The following OTOGL variants were observed in gnomAD, a reference collection of about 807,000 sequenced individuals.
OTOGL encodes the protein otogelin like.
A neutral mutation model predicts 318.5 loss-of-function variants in OTOGL; 285 were observed. That is an observed-to-expected ratio of 0.89 (90% CI 0.81 to 0.99). OTOGL has a LOEUF of 0.99. Among genes scored for constraint, OTOGL ranks in the 50% least tolerant of loss-of-function variants. The pLI, the probability that OTOGL is intolerant of heterozygous loss-of-function variation, is 0.00. For missense variants in OTOGL, 2,899 were observed against 2,845.6 expected (o/e 1.02, Z -0.43); for synonymous variants, 987 against 936.5 (o/e 1.05, Z -0.99).
chr12:80,287,457 A>C (rs1023362791), intron 26 of OTOGL, among the ~76,000 whole-genome samples: 1 of 148,874 alleles, frequency 6.7e-6, no homozygotes, highest in African/African-American at 2.6e-5. Flanking sequence ...ATCCTTGTTA[A>C]TTTTCTGTCT....
At chr12:80,203,369 A>G (rs184482748) in intron 1 of OTOGL, among the ~76,000 whole-genome samples, 6 of 151,872 alleles carry the variant, frequency 4.0e-5, no homozygotes, top group Admixed American at 2.0e-4. Flanking sequence ...TATCTGGCCC[A>G]CACTTATAAT....
chr12:80,206,774 G>C (rs994945558), intron 1 of OTOGL, among the ~76,000 whole-genome samples: 3 of 151,562 alleles, frequency 2.0e-5, no homozygotes, highest in African/African-American at 7.3e-5. Flanking sequence ...CTCCCAAAGT[G>C]CTGGGACTAC....
Position 80,352,289 on chromosome 12 carries a change from C to A in OTOGL, c.5266-6C>A. 6.2e-7 allele frequency: 1 copy of A among 1,604,614 alleles called. No homozygotes were observed. Among genetic ancestry groups the A allele is most frequent in the South Asian group, 1.1e-5 (1 of 88,896 alleles). On this transcript the variant is annotated splice_region_variant and splice_polypyrimidine_tract_variant and intron_variant, in intron 44 of 58. Coordinates refer to ENST00000547103, the MANE Select transcript of OTOGL (RefSeq NM_001378609.3). ...TAACTTATTTCAAGGCAAAATGTTT[C>A]TCTAGGTTTCACCGGAAGACTTTTG...
chr12:80,288,889 G>A (rs1398696572), intron 26 of OTOGL, among the ~76,000 whole-genome samples: 1 of 152,040 alleles, frequency 6.6e-6, no homozygotes, highest in Non-Finnish European at 1.5e-5. Flanking sequence ...ACTTCCTGAA[G>A]CCTACTTCTG....
intron 1 of OTOGL, among the ~76,000 whole-genome samples, chr12:80,162,570 C>T (rs1403839470): frequency 6.6e-6 from 1 of 151,940 alleles, no homozygotes; most frequent in Non-Finnish European, 1.5e-5. Flanking sequence ...CTTTTGAGGG[C>T]TGTGGGGGTA....
intron 1 of OTOGL, among the ~76,000 whole-genome samples, chr12:80,187,321 G>A (rs1263256615): frequency 6.6e-6 from 1 of 151,800 alleles, no homozygotes; most frequent in Admixed American, 6.6e-5. Context: ...AATAGGGCCT[G>A]GCCTAGGAGG....
At chr12:80,322,332 C>A (rs1887392985) in intron 34 of OTOGL, among the ~76,000 whole-genome samples, 1 of 152,110 alleles carries the variant, frequency 6.6e-6, no homozygotes, top group Non-Finnish European at 1.5e-5. Flanking sequence ...GCCCTTAGAA[C>A]CAGACCTAGT....
chr12:80,317,394 G>C (rs918667154), intron 32 of OTOGL, among the ~76,000 whole-genome samples: 15 of 152,192 alleles, frequency 9.9e-5, no homozygotes, highest in East Asian at 9.6e-4. Context: ...AAAAGCTTTA[G>C]GTTTTTATAC....
At chr12:80,235,923 T>C (rs771264136) in intron 9 of OTOGL, among the ~76,000 whole-genome samples, 53 of 152,188 alleles carry the variant, frequency 3.5e-4, no homozygotes, top group Non-Finnish European at 6.6e-4. Flanking sequence ...AGTATAATAA[T>C]GCAAGAAAAT....
At chr12:80,338,485 C>T (rs538600346) in intron 42 of OTOGL, among the ~76,000 whole-genome samples, 14 of 151,968 alleles carry the variant, frequency 9.2e-5, no homozygotes, top group African/African-American at 2.9e-4. Flanking sequence ...TTTAAAGCAC[C>T]GTTTTTCAAA....
intron 1 of OTOGL, among the ~76,000 whole-genome samples, chr12:80,104,218 A>C (rs993588057): frequency 6.6e-5 from 10 of 152,244 alleles, no homozygotes; most frequent in Admixed American, 2.6e-4. Context: ...TTGAATACCC[A>C]AAATGCAGTA....
chr12:80,307,198 T>A (rs1470877839), intron 29 of OTOGL, among the ~76,000 whole-genome samples: 10 of 151,220 alleles, frequency 6.6e-5, no homozygotes, highest in Non-Finnish European at 7.4e-5. Flanking sequence ...AAGTCTCCCA[T>A]GTCTACCTCT....
chr12:80,181,701 T>C (rs1046744509), intron 1 of OTOGL, among the ~76,000 whole-genome samples: 1 of 152,110 alleles, frequency 6.6e-6, no homozygotes, highest in African/African-American at 2.4e-5. Context: ...CTAGTGAGCC[T>C]ATCTGCTTTA....
chr12:80,192,762 TA>T (rs1875783433), intron 1 of OTOGL, among the ~76,000 whole-genome samples: 2 of 152,094 alleles, frequency 1.3e-5, no homozygotes, highest in South Asian at 4.1e-4. Flanking sequence ...ACCGTCAAAT[TA>T]AAAAAATTCT....
intron 1 of OTOGL, among the ~76,000 whole-genome samples, chr12:80,113,305 G>T (rs1565864822): frequency 6.6e-6 from 1 of 152,032 alleles, no homozygotes; most frequent in Admixed American, 6.6e-5. Context: ...TTTTGAATTT[G>T]TTTGCTCTTG....
At chr12:80,335,816 G>A in intron 38 of OTOGL, 147 bp from the exon 39 acceptor site, 2 of 617,052 alleles carry the variant, frequency 3.2e-6, no homozygotes, top group Non-Finnish European at 2.5e-6. Context: ...TCAATAAAAA[G>A]TTGCAGCATA....
chr12:80,366,805 A>G (rs1419748712), intron 53 of OTOGL, among the ~76,000 whole-genome samples, 168 bp downstream of exon 53: 1 of 151,626 alleles, frequency 6.6e-6, no homozygotes, highest in Non-Finnish European at 1.5e-5. Context: ...TTCTTTTGTA[A>G]TATCTCTAAA....
At chr12:80,273,234 T>C (rs899834568) in intron 24 of OTOGL, among the ~76,000 whole-genome samples, 2 of 152,116 alleles carry the variant, frequency 1.3e-5, no homozygotes, top group African/African-American at 4.8e-5. Flanking sequence ...AATATTTTAT[T>C]AAGATAGCCT....
At chr12:80,186,481 C>T (rs1028227451) in intron 1 of OTOGL, among the ~76,000 whole-genome samples, 5 of 152,182 alleles carry the variant, frequency 3.3e-5, no homozygotes, top group African/African-American at 1.2e-4. Context: ...TAATGCATCC[C>T]TAACACATGT....
Sources: allele counts gnomAD v4.1 joint callset (sites outside exome capture counted in the v4.1 genomes callset), GRCh38; gene constraint gnomAD v4.1.1; transcripts MANE v1.5; gene names NCBI Gene and HGNC (gene_info 2026-07-23, HGNC 2026-07-21).